Variants in DPP10 observed in about 807,000 individuals in gnomAD.
DPP10 encodes inactive dipeptidyl peptidase 10.
A neutral mutation model predicts 120.9 loss-of-function variants in DPP10; 33 were observed. The observed-to-expected ratio is 0.27, with a 90% CI of 0.21 to 0.37. The LOEUF is 0.37. Among genes scored for constraint, DPP10 ranks in the 10% least tolerant of loss-of-function variants. DPP10 has a pLI of 1.00. For synonymous variants in DPP10, 337 were observed against 326.1 expected (o/e 1.03, Z -0.36); for missense variants, 816 against 942.8 (o/e 0.87, Z 1.76).
At chr2:115,536,565 A>C (rs2078858098) in intron 5 of DPP10, among the ~76,000 whole-genome samples, 1 of 152,166 alleles carries the variant, frequency 6.6e-6, no homozygotes, top group Admixed American at 6.6e-5. Context: ...TTCTTGATGC[A>C]TATTGCTAAA....
At chr2:114,972,235 A>G (rs1271761586) in intron 1 of DPP10, among the ~76,000 whole-genome samples, 1 of 152,194 alleles carries the variant, frequency 6.6e-6, no homozygotes, top group Admixed American at 6.5e-5. Flanking sequence ...GTCCAAACTC[A>G]GGACCAATTT....
intron 3 of DPP10, among the ~76,000 whole-genome samples, chr2:115,490,670 A>G (rs2076058441): frequency 6.6e-6 from 1 of 152,244 alleles, no homozygotes; most frequent in African/African-American, 2.4e-5. Flanking sequence ...TCCATTAACA[A>G]TGCTAAGTTT....
At chr2:115,617,335 T>A (rs1227049614) in intron 5 of DPP10, among the ~76,000 whole-genome samples, 1 of 147,994 alleles carries the variant, frequency 6.8e-6, no homozygotes, top group Non-Finnish European at 1.5e-5. Context: ...TGTATACATA[T>A]ATGCTATGAA....
chr2:115,564,433 ATGTTGTTTATGTTAATT>A (rs2080877565), intron 5 of DPP10, among the ~76,000 whole-genome samples: 1 of 152,162 alleles, frequency 6.6e-6, no homozygotes, highest in Non-Finnish European at 1.5e-5. Flanking sequence ...AAATAGAGCC[ATGTTGTTTATGTTAATT>A]TGTACCCAGA....
intron 1 of DPP10, among the ~76,000 whole-genome samples, chr2:114,486,377 A>G (rs112041713): frequency 6.6e-6 from 1 of 152,322 alleles, no homozygotes; most frequent in African/African-American, 2.4e-5. Context: ...TTAAATAGAT[A>G]TTAAATATTG....
chr2:115,623,053 G>A lies in DPP10; in HGVS notation c.442-66634G>A, dbSNP rs543442724. ...GTAGAGACGGGCTTTCACCGTGTTA[G>A]CCAGGATGGTCTCGATCTCCTGACC... On this transcript the variant is annotated intron_variant, in intron 5 of 25. Transcript: ENST00000410059. 1.3e-4 allele frequency among the ~76,000 whole-genome samples: 20 copies of A among 152,062 alleles called. No homozygotes were observed. In the East Asian group the frequency reaches 3.9e-3, roughly 29 times the overall value.
intron 1 of DPP10, among the ~76,000 whole-genome samples, chr2:114,491,744 T>C (rs1682023014): frequency 6.6e-6 from 1 of 152,228 alleles, no homozygotes; most frequent in Non-Finnish European, 1.5e-5. Flanking sequence ...AGGTAAGTTC[T>C]AGAAGGATTA....
chr2:115,082,853 G>T (rs745966139), intron 1 of DPP10, among the ~76,000 whole-genome samples: 1 of 152,098 alleles, frequency 6.6e-6, no homozygotes, highest in Admixed American at 6.6e-5. Context: ...CTAAATAACT[G>T]GTTATTGTTT....
chr2:114,501,591 C>G lies in DPP10; in HGVS notation c.60+58753C>G, dbSNP rs150616408. ...GGAGTAACTTGAAGGTGAAATACCC[C>G]GTTAGCAATCCCCCAGGTGAATAGA... On this transcript the variant is annotated intron_variant, in intron 1 of 25. Transcript: ENST00000410059. Among the ~76,000 whole-genome samples the G allele has an allele frequency of 3.5e-4, 53 of 152,226 alleles. No individual in the cohort carries two copies. In the East Asian group the frequency reaches 0.01, roughly 29 times the overall value.
At chr2:114,654,061 C>A (rs901372525) in intron 1 of DPP10, among the ~76,000 whole-genome samples, 1 of 152,148 alleles carries the variant, frequency 6.6e-6, no homozygotes, top group African/African-American at 2.4e-5. Context: ...TATGGAATAG[C>A]TTTTTTCTCT....
intron 1 of DPP10, among the ~76,000 whole-genome samples, chr2:114,777,911 T>C (rs559868366): frequency 2.7e-4 from 41 of 152,234 alleles, no homozygotes; most frequent in African/African-American, 9.6e-4. Context: ...CAGGTTCTGC[T>C]TAAATAATTG....
chr2:114,887,027 C>CT (rs1198885226), intron 1 of DPP10, among the ~76,000 whole-genome samples: 1 of 152,136 alleles, frequency 6.6e-6, no homozygotes, highest in Non-Finnish European at 1.5e-5. Flanking sequence ...CCACTGTAGT[C>CT]TTTTTTAACT....
chr2:115,552,627 CAG>C (rs941566766), intron 5 of DPP10, among the ~76,000 whole-genome samples: 20 of 152,078 alleles, frequency 1.3e-4, no homozygotes, highest in African/African-American at 2.6e-4. Flanking sequence ...TGTGATAAAA[CAG>C]GGGCAAATTT....
Position 115,554,546 on chromosome 2 carries a change from C to A in DPP10, c.441+28574C>A, listed in dbSNP as rs572736577. Reference sequence around the variant, plus strand: ...CATTAAATATATTGATTATAGTAGCCCCAGTCTATGCTGTGTTCACAAATC... The same window carrying A: ...CATTAAATATATTGATTATAGTAGCACCAGTCTATGCTGTGTTCACAAATC... On this transcript the variant is annotated intron_variant, in intron 5 of 25. Transcript: ENST00000410059. Among the ~76,000 whole-genome samples the A allele has an allele frequency of 1.2e-4, 18 of 151,956 alleles. No individual in the cohort carries two copies. The East Asian group carries it at 3.1e-3, about 26-fold the overall frequency.
chr2:115,171,369 AAAAAAGAAAAG>A (rs1315025848), intron 1 of DPP10, among the ~76,000 whole-genome samples: 45 of 150,318 alleles, frequency 3.0e-4, no homozygotes, highest in African/African-American at 1.0e-3. Flanking sequence ...AAAAAAAAAA[AAAAAAGAAAAG>A]AAAAGAAAAG....
intron 5 of DPP10, among the ~76,000 whole-genome samples, chr2:115,592,600 A>G (rs201482951): frequency 3.8e-5 from 5 of 132,742 alleles, no homozygotes; most frequent in Admixed American, 1.5e-4. Context: ...AAAAAAAAAA[A>G]CAAAAATTAG....
At chr2:114,536,408 CTTT>C (rs70937287) in intron 1 of DPP10, among the ~76,000 whole-genome samples, 3 of 128,728 alleles carry the variant, frequency 2.3e-5, no homozygotes, top group Admixed American at 8.5e-5. Flanking sequence ...TTTTCTTTTT[CTTT>C]TTTTTTTTTT....
At chr2:115,430,288 G>C (rs768992560) in intron 3 of DPP10, among the ~76,000 whole-genome samples, 4 of 152,110 alleles carry the variant, frequency 2.6e-5, no homozygotes, top group African/African-American at 4.8e-5. Flanking sequence ...ACAATTCTAA[G>C]ATTGCTACAA....
At chr2:115,033,757 A>G (rs576200332) in intron 1 of DPP10, among the ~76,000 whole-genome samples, 7 of 148,838 alleles carry the variant, frequency 4.7e-5, no homozygotes, top group Admixed American at 1.3e-4. Flanking sequence ...CTGTAGTGCA[A>G]TGGCTCAATC....
Sources: allele counts gnomAD v4.1 joint callset (sites outside exome capture counted in the v4.1 genomes callset), GRCh38; gene constraint gnomAD v4.1.1; transcripts MANE v1.5; gene names NCBI Gene and HGNC (gene_info 2026-07-23, HGNC 2026-07-21).